Variants in PWWP3B observed in about 807,000 individuals in gnomAD.
The protein encoded by PWWP3B is PWWP domain-containing DNA repair factor 3B.
PWWP3B carries 5 observed loss-of-function variants against 15.7 expected under a neutral mutation model. The observed-to-expected ratio is 0.32, with a 90% CI of 0.17 to 0.67. PWWP3B has a LOEUF of 0.67. Ranked by LOEUF, PWWP3B falls within the 30% of genes least tolerant of loss-of-function variation. PWWP3B has a pLI of 0.74. For synonymous variants in PWWP3B, 203 were observed against 179.8 expected (o/e 1.13, Z -1.03); for missense variants, 519 against 493.1 (o/e 1.05, Z -0.50).
chrX:106,178,884 C>T (rs964265560), intron 2 of PWWP3B, among the ~76,000 whole-genome samples: 4 of 111,363 alleles, frequency 3.6e-5, no homozygotes, highest in Non-Finnish European at 7.5e-5. Context: ...TTCTGCAATC[C>T]GACCATTGGA....
intron 2 of PWWP3B, among the ~76,000 whole-genome samples, chrX:106,184,652 G>C (rs1025689961): frequency 8.9e-6 from 1 of 112,069 alleles, no homozygotes; most frequent in African/African-American, 3.2e-5. Flanking sequence ...TTAAAGGCCA[G>C]GGTTTGATCT....
intron 2 of PWWP3B, among the ~76,000 whole-genome samples, chrX:106,180,001 G>A (rs775231540): frequency 1.8e-5 from 2 of 111,223 alleles, no homozygotes; most frequent in African/African-American, 3.3e-5. Flanking sequence ...ATGGGTGGCC[G>A]TGGCAGCCAT....
chrX:106,206,066 A>C lies in PWWP3B; in HGVS notation c.634A>C (p.Ile212Leu). 2 of 1,210,856 alleles carry C rather than the reference A, an allele frequency of 1.7e-6. No individual in the cohort carries two copies. The highest frequency in any genetic ancestry group is 4.4e-5 in the Admixed American group (2 of 45,948). ...DNDEKENKNK[I>L]DISAVMSVHS... is the part of the protein sequence containing the mutation. ...TGATGAAAAAGAGAACAAGAATAAG[A>C]TTGATATCTCAGCAGTTATGTCTGT... The change falls in exon 4 of 4, where the codon ATT becomes CTT. Residue 212 changes from isoleucine to leucine, a missense_variant. Transcript: ENST00000357175.
At chrX:106,197,335 G>T (rs974609652) in intron 2 of PWWP3B, among the ~76,000 whole-genome samples, 2 of 111,615 alleles carry the variant, frequency 1.8e-5, no homozygotes, top group African/African-American at 6.5e-5. Context: ...AAATTAGGGG[G>T]TTTCCTATCT....
intron 2 of PWWP3B, among the ~76,000 whole-genome samples, chrX:106,201,224 G>T (rs1423933939): frequency 1.8e-5 from 2 of 111,714 alleles, no homozygotes; most frequent in Admixed American, 1.9e-4. Flanking sequence ...TTTTAGAGAA[G>T]AACTGAATAA....
chrX:106,205,792 T>G lies in PWWP3B; in HGVS notation c.360T>G (p.Asn120Lys). 8.3e-7 allele frequency: 1 copy of G among 1,211,307 alleles called. No individual in the cohort carries two copies. The highest frequency in any genetic ancestry group is 1.1e-6 in the Non-Finnish European group (1 of 895,302). ...AGGAGATCACTATGCTGTCTCAAAATGTACCACAAAAACAGTCCGATTCAC... is the reference window on the plus strand; with the variant it reads ...AGGAGATCACTATGCTGTCTCAAAAGGTACCACAAAAACAGTCCGATTCAC... The part of the protein sequence containing the change: ...DEEEITMLSQ[N>K]VPQKQSDSPP... Residue 120 changes from asparagine to lysine, a missense_variant, in exon 4 of 4, where the codon AAT (asparagine) becomes AAG (lysine). Transcript: ENST00000357175.
Position 106,203,371 on chromosome X carries a change from A to C in PWWP3B, c.-400-614A>C, listed in dbSNP as rs111662064. Among the ~76,000 whole-genome samples, 1,013 of 111,671 alleles carry C rather than the reference A, an allele frequency of 9.1e-3. 17 individuals are homozygous for C. The highest frequency in any genetic ancestry group is 0.031 in the African/African-American group (957 of 30,715). Reference sequence around the variant, plus strand: ...AAAACCTTTAAATTTAACATAGAAAATTCTAGAAGCCTGAGAAGACTCCTG... The same window carrying C: ...AAAACCTTTAAATTTAACATAGAAACTTCTAGAAGCCTGAGAAGACTCCTG... On this transcript the variant is annotated intron_variant, in intron 2 of 3. Coordinates refer to ENST00000357175, the MANE Select transcript of PWWP3B (RefSeq NM_001171020.2).
At chrX:106,193,848 A>G (rs1358723754) in intron 2 of PWWP3B, among the ~76,000 whole-genome samples, 5 of 111,950 alleles carry the variant, frequency 4.5e-5, no homozygotes, top group Admixed American at 2.8e-4. Context: ...TCTTTTCTTT[A>G]AGAATGTTGA....
chrX:106,196,211 C>A (rs1170756031), intron 2 of PWWP3B, among the ~76,000 whole-genome samples: 1 of 111,770 alleles, frequency 8.9e-6, no homozygotes, highest in Non-Finnish European at 1.9e-5. Flanking sequence ...GGATTTTCTA[C>A]ATACATCATC....
At chrX:106,181,112 T>A (rs1922168187) in intron 2 of PWWP3B, among the ~76,000 whole-genome samples, 2 of 112,281 alleles carry the variant, frequency 1.8e-5, no homozygotes, top group South Asian at 7.5e-4. Context: ...AGTTGGTTCC[T>A]TCCGATGGGT....
chrX:106,173,770 A>C (rs934469680), intron 2 of PWWP3B, among the ~76,000 whole-genome samples: 2 of 111,782 alleles, frequency 1.8e-5, no homozygotes, highest in Non-Finnish European at 3.8e-5. Context: ...TTAATGGCTT[A>C]ATATTTAATA....
intron 2 of PWWP3B, among the ~76,000 whole-genome samples, chrX:106,198,617 C>G (rs779228050): frequency 9.0e-6 from 1 of 111,550 alleles, no homozygotes; most frequent in East Asian, 2.8e-4. Flanking sequence ...CTATCTTTAT[C>G]ATAAAAATAT....
intron 2 of PWWP3B, among the ~76,000 whole-genome samples, chrX:106,195,698 C>T (rs1395477893): frequency 8.9e-6 from 1 of 111,815 alleles, no homozygotes; most frequent in Non-Finnish European, 1.9e-5. Context: ...GTCTTAATTA[C>T]CATAGCCTTG....
intron 2 of PWWP3B, among the ~76,000 whole-genome samples, chrX:106,203,342 C>A (rs1048195857): frequency 1.8e-5 from 2 of 111,472 alleles, no homozygotes; most frequent in African/African-American, 3.3e-5. Context: ...GAATCCCACA[C>A]AACAAAACCT....
At chrX:106,193,964 C>T (rs955788681) in intron 2 of PWWP3B, among the ~76,000 whole-genome samples, 1 of 111,763 alleles carries the variant, frequency 8.9e-6, no homozygotes, top group Admixed American at 9.5e-5. Context: ...TTTCTGGCTG[C>T]CCTTAACATT....
chrX:106,187,090 G>T (rs1413538630), intron 2 of PWWP3B, among the ~76,000 whole-genome samples: 2 of 111,404 alleles, frequency 1.8e-5, no homozygotes, highest in African/African-American at 3.3e-5. Flanking sequence ...TCCTGTCCTG[G>T]TTTTTTTTCT....
In PWWP3B at chrX:106,199,687, G is replaced by A. The variant is rs142891400; in HGVS notation, c.-400-4298G>A. On this transcript the variant is annotated intron_variant, in intron 2 of 3. Transcript: ENST00000357175. ...AGATGCCTTCTCTAGAATCTTCACA[G>A]CAATTTCTGCTTGCATTCTTTGGCA... 1.5e-4 allele frequency among the ~76,000 whole-genome samples: 17 copies of A among 111,123 alleles called. 1 individual carries two copies. The East Asian group carries it at 4.9e-3, about 32-fold the overall frequency.
In PWWP3B at chrX:106,205,659, A is replaced by G; in HGVS notation, c.227A>G (p.Asp76Gly). 8.3e-7 allele frequency: 1 copy of G among 1,211,063 alleles called. No homozygotes were observed. Among genetic ancestry groups the G allele is most frequent in the Non-Finnish European group, 1.1e-6 (1 of 895,107 alleles). ...GCCTCATTAGGACTACAGTCAGAGG[A>G]CAGTGCTCCACCTACAGAGGAAACT... ...IAASLGLQSE[D>G]SAPPTEETAY... Residue 76 changes from aspartate to glycine, a missense_variant, in exon 4 of 4, where the codon GAC becomes GGC. Asp to Gly is a moderately conservative substitution (Grantham distance 94). Coordinates refer to ENST00000357175, the MANE Select transcript of PWWP3B (RefSeq NM_001171020.2).
intron 2 of PWWP3B, among the ~76,000 whole-genome samples, chrX:106,187,313 T>G (rs1922576643): frequency 8.9e-6 from 1 of 112,076 alleles, no homozygotes; most frequent in Admixed American, 9.5e-5. Flanking sequence ...CAAACTTGTT[T>G]CCATTTTATT....
Sources: allele counts gnomAD v4.1 joint callset (sites outside exome capture counted in the v4.1 genomes callset), GRCh38; gene constraint gnomAD v4.1.1; transcripts MANE v1.5; gene names NCBI Gene and HGNC (gene_info 2026-07-23, HGNC 2026-07-21).